TFEB: variants seen among roughly 807,000 people sequenced by gnomAD.
TFEB encodes the protein transcription factor EB, also known as T-cell transcription factor EB.
A neutral mutation model predicts 48.0 loss-of-function variants in TFEB; 12 were observed. That is an observed-to-expected ratio of 0.25 (90% CI 0.16 to 0.40). The LOEUF (loss-of-function observed/expected upper bound fraction) is 0.40. Among genes scored for constraint, TFEB ranks in the 10% least tolerant of loss-of-function variants. The pLI, the probability that TFEB is intolerant of heterozygous loss-of-function variation, is 1.00. For missense variants in TFEB, 509 were observed against 640.3 expected (o/e 0.79, Z 2.21); for synonymous variants, 244 against 261.4 (o/e 0.93, Z 0.64).
chr6:41,721,977 A>ATAT (rs370887501), intron 1 of TFEB, among the ~76,000 whole-genome samples: 1,803 of 151,806 alleles, frequency 0.012, 40 homozygotes, highest in African/African-American at 0.039. Flanking sequence ...ACCATTCCTT[A>ATAT]TATTATTATT....
intron 1 of TFEB, among the ~76,000 whole-genome samples, chr6:41,731,953 T>G (rs1354058956): frequency 6.6e-6 from 1 of 152,222 alleles, no homozygotes; most frequent in African/African-American, 2.4e-5. Flanking sequence ...TGGTCACCCA[T>G]GCTGGCAGCT....
intron 1 of TFEB, among the ~76,000 whole-genome samples, chr6:41,707,964 G>C (rs995533809): frequency 6.6e-6 from 1 of 152,236 alleles, no homozygotes; most frequent in African/African-American, 2.4e-5. Flanking sequence ...TGCTAGAGTT[G>C]GGAGGGAAGT....
intron 1 of TFEB, among the ~76,000 whole-genome samples, chr6:41,709,785 T>A (rs1770401748): frequency 6.6e-6 from 1 of 152,188 alleles, no homozygotes; most frequent in Admixed American, 6.6e-5. Flanking sequence ...CCATTAAATT[T>A]ATTTTTTATT....
Position 41,684,553 on chromosome 6 carries a change from C to T in TFEB, c.*46G>A, listed in dbSNP as rs758752885. ...GGGAGGGAGGTGCCCCTGGCCCTCC[C>T]AGCCCCCAGGCCGGCCCCTGTTCCC... On this transcript the variant is annotated 3_prime_UTR_variant, in exon 9 of 9. Coordinates refer to ENST00000373033, the MANE Select transcript of TFEB (RefSeq NM_001271944.2). The T allele has an allele frequency of 3.3e-6, 5 of 1,504,470 alleles. No individual in the cohort carries two copies. In the East Asian group the frequency reaches 1.2e-4, roughly 35 times the overall value. 93.2% of individuals were successfully genotyped at this position (1,504,470 alleles called of 1,614,324 possible). A position where few individuals can be genotyped will look rare whatever the true frequency, so the allele number is the denominator to read the frequency against.
chr6:41,732,900 T>A, intron 1 of TFEB: 5 of 985,524 alleles, frequency 5.1e-6, no homozygotes, highest in Non-Finnish European at 6.0e-6. Flanking sequence ...CTGCCCTCCA[T>A]CCCCAGGACA....
chr6:41,698,982 C>T (rs556310864), intron 1 of TFEB, among the ~76,000 whole-genome samples: 6 of 152,262 alleles, frequency 3.9e-5, no homozygotes, highest in East Asian at 1.9e-4. Context: ...CATCAGATGG[C>T]CCAGACCCAA....
chr6:41,696,860 T>C (rs1053756609), intron 1 of TFEB, among the ~76,000 whole-genome samples: 2 of 152,154 alleles, frequency 1.3e-5, no homozygotes, highest in African/African-American at 4.8e-5. Context: ...CAGCATGCTC[T>C]GCGTATATGA....
At chr6:41,690,018 C>T (rs535036337) in intron 3 of TFEB, among the ~76,000 whole-genome samples, 1 of 152,326 alleles carries the variant, frequency 6.6e-6, no homozygotes, top group African/African-American at 2.4e-5. Flanking sequence ...TGCCAAGGAG[C>T]CTACCTGCCC....
chr6:41,726,525 C>A (rs1771216307), intron 1 of TFEB, among the ~76,000 whole-genome samples: 1 of 151,984 alleles, frequency 6.6e-6, no homozygotes, highest in Non-Finnish European at 1.5e-5. Flanking sequence ...CTCACTGCAA[C>A]CTCCACCTCC....
intron 1 of TFEB, among the ~76,000 whole-genome samples, chr6:41,728,732 T>C (rs1438045830): frequency 6.6e-6 from 1 of 151,788 alleles, no homozygotes; most frequent in South Asian, 2.1e-4. Flanking sequence ...AGGAACAGAC[T>C]GTGAGCCCTA....
chr6:41,713,750 G>A (rs1460238332), intron 1 of TFEB, among the ~76,000 whole-genome samples: 2 of 152,188 alleles, frequency 1.3e-5, no homozygotes, highest in South Asian at 2.1e-4. Flanking sequence ...AGGCACCCAG[G>A]AACAGGAGCT....
chr6:41,706,938 G>A (rs1229055682), intron 1 of TFEB, among the ~76,000 whole-genome samples: 3 of 152,186 alleles, frequency 2.0e-5, no homozygotes, highest in African/African-American at 4.8e-5. Context: ...AGGACAGAGC[G>A]AGGAGTGGGG....
At chr6:41,712,935 G>T (rs1278185110) in intron 1 of TFEB, among the ~76,000 whole-genome samples, 1 of 152,214 alleles carries the variant, frequency 6.6e-6, no homozygotes, top group African/African-American at 2.4e-5. Flanking sequence ...TGCTCTGGTG[G>T]CAGGTACTGG....
At chr6:41,731,064 C>T (rs1771430421) in intron 1 of TFEB, among the ~76,000 whole-genome samples, 2 of 152,184 alleles carry the variant, frequency 1.3e-5, no homozygotes, top group Non-Finnish European at 2.9e-5. Flanking sequence ...TCTATTTCCT[C>T]ACTTAAGAAT....
Position 41,691,133 on chromosome 6 carries a change from TTGC to T in TFEB, c.78_80del (p.Gln28del), listed in dbSNP as rs754076725. Reference sequence around the variant, plus strand: ...GCTGCATGTAATGCATGACAGCCTGTTGCTGCATGCGCTCCCGCTGCTCCTCCT... The same window carrying T: ...GCTGCATGTAATGCATGACAGCCTGTTGCATGCGCTCCCGCTGCTCCTCCT... On this transcript the variant is annotated inframe_deletion, in exon 2 of 9. Transcript: ENST00000373033. The surrounding 1 kb of genome is among the most constrained non-coding windows in gnomAD (Gnocchi z 5.2). The T allele has an allele frequency of 4.2e-5, 66 of 1,588,646 alleles. No homozygotes were observed. Among genetic ancestry groups the T allele is most frequent in the Admixed American group, 1.9e-4 (11 of 57,002 alleles).
chr6:41,697,498 T>C (rs1769664108), intron 1 of TFEB, among the ~76,000 whole-genome samples: 1 of 91,008 alleles, frequency 1.1e-5, no homozygotes, highest in Non-Finnish European at 2.1e-5. Context: ...CCACCCCTTC[T>C]CCAAACCCCC....
chr6:41,684,464 G>A lies in TFEB; in HGVS notation c.*135C>T, dbSNP rs1768878369. 1.5e-5 allele frequency: 18 copies of A among 1,168,706 alleles called. No individual in the cohort carries two copies. The highest frequency in any genetic ancestry group is 3.0e-5 in the East Asian group (1 of 33,312). 72.4% of individuals were successfully genotyped at this position (1,168,706 alleles called of 1,614,324 possible). A position where few individuals can be genotyped will look rare whatever the true frequency, so the allele number is the denominator to read the frequency against. Reference sequence around the variant, plus strand: ...CCAGACAGGCACTAAGTCCAAACAGGGGCCAACGGGGAGGAGGGAGGCAGG... The same window carrying A: ...CCAGACAGGCACTAAGTCCAAACAGAGGCCAACGGGGAGGAGGGAGGCAGG... On this transcript the variant is annotated 3_prime_UTR_variant, in exon 9 of 9. Transcript: ENST00000373033.
chr6:41,723,460 C>T lies in TFEB; in HGVS notation c.-23+11890G>A. On this transcript the variant is annotated intron_variant, in intron 1 of 8. Coordinates refer to ENST00000373033, the MANE Select transcript of TFEB (RefSeq NM_001271944.2). The surrounding 1 kb of genome is among the most constrained non-coding windows in gnomAD (Gnocchi z 6.0). ...ACACATGCACGCGTGTGCTCTCATA[C>T]CTTCGAGAGGGCAGCCCCCTGGAAG... 7.8e-7 allele frequency: 1 copy of T among 1,288,176 alleles called. No homozygotes were observed. Among genetic ancestry groups the T allele is most frequent in the Non-Finnish European group, 1.0e-6 (1 of 987,646 alleles). The allele number at this position is 1,288,176 out of a possible 1,614,324, so 79.8% of individuals were successfully genotyped here.
At position 41,690,923 on chromosome 6, in the gene TFEB, A is replaced by AG. The variant is rs1769272287; in HGVS notation, c.214-7dup. 1.3e-6 allele frequency: 2 copies of AG among 1,547,582 alleles called. No individual in the cohort carries two copies. Among genetic ancestry groups the AG allele is most frequent in the South Asian group, 2.3e-5 (2 of 85,434 alleles). ...TTCTCCAGGTAGGACTGCACCTGGG[A>AG]GGGGGAAAAGGCAAGGGCTCTAGGG... is the stretch of plus-strand genomic sequence containing the variant. On this transcript the variant is annotated splice_polypyrimidine_tract_variant and splice_region_variant and intron_variant, in intron 2 of 8. Transcript: ENST00000373033.
Sources: gnomAD v4.1 joint callset for allele counts (sites outside exome capture counted in the v4.1 genomes callset) on GRCh38, gnomAD v4.1.1 for gene constraint, Gnocchi (gnomAD v3.1) non-coding constraint, MANE v1.5 for transcripts, NCBI Gene and HGNC (gene_info 2026-07-23, HGNC 2026-07-21) for gene names.